Variants in TFPI observed in about 807,000 individuals in gnomAD.
The protein encoded by TFPI is anti-convertin.
A neutral mutation model predicts 34.6 loss-of-function variants in TFPI; 15 were observed. The observed-to-expected ratio is 0.43, with a 90% confidence interval of 0.29 to 0.67. TFPI has a LOEUF of 0.67. Ranked by LOEUF, TFPI falls within the 30% of genes least tolerant of loss-of-function variation. The pLI, the probability that TFPI is intolerant of heterozygous loss-of-function variation, is 0.15. For missense variants in TFPI, 301 were observed against 364.0 expected (o/e 0.83, Z 1.41); for synonymous variants, 105 against 120.1 (o/e 0.87, Z 0.82).
chr2:187,534,147 A>G (rs1011226130), intron 1 of TFPI, among the ~76,000 whole-genome samples: 1 of 152,242 alleles, frequency 6.6e-6, no homozygotes. Context: ...AACACTCTTC[A>G]GGATATTATC....
intron 1 of TFPI, among the ~76,000 whole-genome samples, chr2:187,508,038 G>A (rs1239083343): frequency 6.6e-6 from 1 of 152,156 alleles, no homozygotes; most frequent in Non-Finnish European, 1.5e-5. Flanking sequence ...TGGCTAGTCA[G>A]TTTTCCCAAC....
chr2:187,505,499 A>G (rs1686147209), intron 1 of TFPI, among the ~76,000 whole-genome samples: 1 of 152,138 alleles, frequency 6.6e-6, no homozygotes, highest in Non-Finnish European at 1.5e-5. Flanking sequence ...GAGCACCACC[A>G]GGTATTTCTC....
At chr2:187,481,639 A>C (rs1458661111) in intron 6 of TFPI, among the ~76,000 whole-genome samples, 6 of 148,360 alleles carry the variant, frequency 4.0e-5, no homozygotes, top group Non-Finnish European at 8.9e-5. Context: ...ATTAGGAAGG[A>C]AGAAAGGGAG....
intron 1 of TFPI, among the ~76,000 whole-genome samples, chr2:187,523,531 A>G (rs1008501782): frequency 7.9e-5 from 12 of 152,048 alleles, no homozygotes; most frequent in Admixed American, 6.5e-4. Flanking sequence ...GCAGAGTGAG[A>G]TTTTCTTGTC....
intron 1 of TFPI, among the ~76,000 whole-genome samples, chr2:187,551,290 C>T (rs1332053704): frequency 2.0e-5 from 3 of 152,020 alleles, no homozygotes; most frequent in Non-Finnish European, 2.9e-5. Flanking sequence ...GCCATGATGT[C>T]CTTATATTCT....
At chr2:187,537,082 G>T (rs548760935) in intron 1 of TFPI, among the ~76,000 whole-genome samples, 1 of 152,114 alleles carries the variant, frequency 6.6e-6, no homozygotes, top group Non-Finnish European at 1.5e-5. Context: ...AAGGAAATAA[G>T]AGAGGACACA....
In TFPI at chr2:187,466,976, ACT is replaced by A; in HGVS notation, c.873_874del (p.Arg291SerfsTer6). 1 of 1,588,228 alleles carries A rather than the reference ACT, an allele frequency of 6.3e-7. No individual in the cohort carries two copies. The highest frequency in any genetic ancestry group is 2.3e-5 in the East Asian group (1 of 43,580). On this transcript the variant is annotated frameshift_variant, in exon 8 of 8. Transcript: ENST00000233156. LOFTEE classifies it high-confidence loss of function. ...AAAAATTTCTTCATATGCTATTTTC[ACT>A]CTCTGCTTCTTTCTTTTTCTTTTGG...
At chr2:187,529,802 A>T (rs1330882025) in intron 1 of TFPI, among the ~76,000 whole-genome samples, 4 of 152,168 alleles carry the variant, frequency 2.6e-5, no homozygotes, top group Non-Finnish European at 5.9e-5. Context: ...TGCACTTTCT[A>T]ATGTGCAATT....
intron 6 of TFPI, chr2:187,478,600 A>T: frequency 6.6e-7 from 1 of 1,519,608 alleles, no homozygotes. Context: ...GTAAATATTA[A>T]AACTTTATTA....
intron 1 of TFPI, among the ~76,000 whole-genome samples, chr2:187,539,890 C>T (rs887038426): frequency 2.6e-5 from 4 of 151,168 alleles, no homozygotes; most frequent in African/African-American, 4.9e-5. Context: ...CCACCCATTA[C>T]GTCATCTTCT....
At position 187,469,513 on chromosome 2, in the gene TFPI, A is replaced by G. The variant is rs932988749; in HGVS notation, c.629-1581T>C. 9.2e-5 allele frequency among the ~76,000 whole-genome samples: 14 copies of G among 152,176 alleles called. No homozygotes were observed. In the East Asian group the frequency reaches 1.2e-3, roughly 13 times the overall value. On this transcript the variant is annotated intron_variant, in intron 6 of 7. Transcript: ENST00000233156. ...GTGTATATGTGAGGTTTACAAAATG[A>G]TGTTATGGGATACATATAGATAGTA...
At chr2:187,549,670 T>C (rs531219101) in intron 1 of TFPI, among the ~76,000 whole-genome samples, 1 of 152,260 alleles carries the variant, frequency 6.6e-6, no homozygotes, top group Non-Finnish European at 1.5e-5. Flanking sequence ...TATGTACTCA[T>C]ATCACATAGC....
chr2:187,479,448 T>C (rs1026589851), intron 6 of TFPI, among the ~76,000 whole-genome samples: 2 of 150,356 alleles, frequency 1.3e-5, no homozygotes, highest in Non-Finnish European at 3.0e-5. Context: ...ATCTGAGCTT[T>C]CTGATATCTA....
At chr2:187,510,056 A>T (rs1686514248) in intron 1 of TFPI, among the ~76,000 whole-genome samples, 1 of 152,180 alleles carries the variant, frequency 6.6e-6, no homozygotes, top group Non-Finnish European at 1.5e-5. Context: ...CAAGTTAGCC[A>T]ATCAAGTTCA....
At chr2:187,539,462 A>T (rs893510512) in intron 1 of TFPI, among the ~76,000 whole-genome samples, 3 of 152,230 alleles carry the variant, frequency 2.0e-5, no homozygotes, top group South Asian at 4.1e-4. Context: ...CACACTAACC[A>T]TCTATAAGAT....
rs1491018306 is a variant in TFPI, at chr2:187,503,500, CAT to C, written c.121+146_121+147del. 209 of 838,674 alleles carry C rather than the reference CAT, an allele frequency of 2.5e-4. 5 individuals carry two copies. The highest frequency in any genetic ancestry group is 3.6e-4 in the Admixed American group (13 of 35,738). The allele number at this position is 838,674 out of a possible 1,614,324, so 52.0% of individuals were successfully genotyped here. ...ACACACACACACACACACACACACACATACATTAGGTATAATAAATTTCCAAA... is the reference window on the plus strand; with the variant it reads ...ACACACACACACACACACACACACACACATTAGGTATAATAAATTTCCAAA... On this transcript the variant is annotated intron_variant, in intron 2 of 7. Coordinates refer to ENST00000233156, the MANE Select transcript of TFPI (RefSeq NM_006287.6).
intron 1 of TFPI, among the ~76,000 whole-genome samples, chr2:187,511,417 G>A (rs143392627): frequency 6.6e-6 from 1 of 152,180 alleles, no homozygotes; most frequent in Non-Finnish European, 1.5e-5. Context: ...AACTGTGAAA[G>A]TGTCTGTGTG....
chr2:187,540,407 C>A (rs559534397), intron 1 of TFPI, among the ~76,000 whole-genome samples: 1 of 152,188 alleles, frequency 6.6e-6, no homozygotes, highest in African/African-American at 2.4e-5. Flanking sequence ...AATATGACAG[C>A]TGTGAACTGG....
At chr2:187,493,423 G>A (rs527509667) in intron 3 of TFPI, among the ~76,000 whole-genome samples, 1 of 152,254 alleles carries the variant, frequency 6.6e-6, no homozygotes, top group Admixed American at 6.5e-5. Context: ...CCTGTGATGG[G>A]AAGAGCTGGC....
Sources: gnomAD v4.1 joint callset for allele counts (sites outside exome capture counted in the v4.1 genomes callset) on GRCh38, gnomAD v4.1.1 for gene constraint, MANE v1.5 for transcripts, NCBI Gene and HGNC (gene_info 2026-07-23, HGNC 2026-07-21) for gene names.